CMTR1: variants seen among roughly 807,000 people sequenced by gnomAD.
CMTR1 encodes cap methyltransferase 1, also known as cap-specific mRNA (nucleoside-2'-O-)-methyltransferase 1.
Under a neutral mutation model 107.0 loss-of-function variants are expected in CMTR1, and 39 were observed. That is an observed-to-expected ratio of 0.36 (90% CI 0.28 to 0.48). The LOEUF is 0.48. Ranked by LOEUF, CMTR1 falls within the 20% of genes least tolerant of loss-of-function variation. The pLI is 0.99. For synonymous variants in CMTR1, 366 were observed against 379.5 expected, an observed-to-expected ratio of 0.96 and a Z score of 0.41; for missense variants, 672 against 1,064.9, an observed-to-expected ratio of 0.63 and a Z score of 5.14.
Position 37,473,599 on chromosome 6 carries a change from G to T in CMTR1, c.1819G>T (p.Gly607Trp). ...GSEQKFLIGL[G>W]KSQIYTWDGR... is the part of the protein sequence containing the mutation. ...TGAGCAGAAGTTCCTCATCGGCCTG[G>T]GGGTAAGTCTGCAGCTGGCTTCCTG... Residue 607 changes from glycine (G) to tryptophan (W), a missense_variant and splice_region_variant, in exon 17 of 24, where the codon GGG becomes TGG. Coordinates refer to ENST00000373451, the MANE Select transcript of CMTR1 (RefSeq NM_015050.3). 1 of 1,613,438 alleles carries T rather than the reference G, an allele frequency of 6.2e-7. No homozygotes were observed. Among genetic ancestry groups the T allele is most frequent in the African/African-American group, 1.3e-5 (1 of 75,036 alleles).
chr6:37,449,884 A>C (rs914853579), intron 4 of CMTR1, among the ~76,000 whole-genome samples: 3 of 152,144 alleles, frequency 2.0e-5, no homozygotes, highest in Admixed American at 6.6e-5. Context: ...CTGCCTGTTT[A>C]CTTCTGTGTC....
At chr6:37,461,697 T>C (rs762757585) in intron 11 of CMTR1, 52 bp downstream of exon 11, 8 of 1,233,036 alleles carry the variant, frequency 6.5e-6, no homozygotes, top group Admixed American at 2.2e-5. Flanking sequence ...AGAGGCCCTA[T>C]TGGACAAGAA....
chr6:37,444,213 G>C lies in CMTR1; in HGVS notation c.285+63G>C, dbSNP rs575479650. 1.6e-5 allele frequency: 25 copies of C among 1,561,654 alleles called. No individual in the cohort carries two copies. The South Asian group carries it at 2.9e-4, about 18-fold the overall frequency. ...CAGCAGAGTGAAAGAAGGGCAATTTGTATTTGTATGAAAAGAAGAAAAGTT... is the reference window on the plus strand; with the variant it reads ...CAGCAGAGTGAAAGAAGGGCAATTTCTATTTGTATGAAAAGAAGAAAAGTT... On this transcript the variant is annotated intron_variant, in intron 3 of 23. Transcript: ENST00000373451.
In CMTR1 at chr6:37,472,590, C is replaced by A; in HGVS notation, c.1689+103C>A. On this transcript the variant is annotated intron_variant, in intron 16 of 23. Coordinates refer to ENST00000373451, the MANE Select transcript of CMTR1 (RefSeq NM_015050.3). The surrounding 1 kb of genome is among the most constrained non-coding windows in gnomAD (Gnocchi z 4.1). ...ATGCATGGTCTCCAGAGGGCTTGTG[C>A]AGATGCCCACCATGGGCTCTAAGGG... is the stretch of plus-strand genomic sequence containing the variant. 8.6e-7 allele frequency: 1 copy of A among 1,166,854 alleles called. No homozygotes were observed. The highest frequency in any genetic ancestry group is 1.3e-6 in the Non-Finnish European group (1 of 780,420). 72.3% of individuals were successfully genotyped at this position (1,166,854 alleles called of 1,614,324 possible).
intron 12 of CMTR1, among the ~76,000 whole-genome samples, chr6:37,462,567 A>C (rs930715957): frequency 6.6e-6 from 1 of 152,240 alleles, no homozygotes; most frequent in Non-Finnish European, 1.5e-5. Flanking sequence ...ATAATTTAAC[A>C]GACTCCCCAG....
At position 37,480,625 on chromosome 6, in the gene CMTR1, TG is replaced by T. The variant is rs1207188555; in HGVS notation, c.*481del. ...CTGTCATGAGCTGGCCAGGAGAACC[TG>T]CTATAAAAAAATCAAGGTTTTGTTT... On this transcript the variant is annotated 3_prime_UTR_variant, in exon 24 of 24. Transcript: ENST00000373451. 9.7e-7 allele frequency: 1 copy of T among 1,026,556 alleles called. No individual in the cohort carries two copies. The highest frequency in any genetic ancestry group is 1.7e-5 in the African/African-American group (1 of 57,572). The allele number at this position is 1,026,556 out of a possible 1,614,324, so 63.6% of individuals were successfully genotyped here.
chr6:37,471,527 G>A (rs976397244), intron 14 of CMTR1, among the ~76,000 whole-genome samples: 1 of 152,210 alleles, frequency 6.6e-6, no homozygotes, highest in Non-Finnish European at 1.5e-5. Context: ...AGCAGAAGAG[G>A]AGCTAGAACA....
chr6:37,451,436 GGTGGAAGGACAAGCTTTT>G (rs1237463353), intron 5 of CMTR1, among the ~76,000 whole-genome samples: 20 of 152,162 alleles, frequency 1.3e-4, no homozygotes, highest in Non-Finnish European at 2.2e-4. Flanking sequence ...GAGGCTTCCT[GGTGGAAGGACAAGCTTTT>G]GTCATTTGAG....
chr6:37,433,265 C>G lies in CMTR1; in HGVS notation c.-119C>G, dbSNP rs1771425680. The G allele has an allele frequency of 6.5e-6, 1 of 153,736 alleles. No homozygotes were observed. The highest frequency in any genetic ancestry group is 2.0e-4 in the South Asian group (1 of 4,904). 9.5% of individuals were successfully genotyped at this position (153,736 alleles called of 1,614,324 possible). On this transcript the variant is annotated 5_prime_UTR_variant, in exon 1 of 24. Transcript: ENST00000373451. ...CGACGGTGCGGCTGGCGGACCCGGG[C>G]TGGCTTGTGGGGAAACGAAACTGAG...
At position 37,444,026 on chromosome 6, in the gene CMTR1, A is replaced by T. The variant is rs1162962294; in HGVS notation, c.161A>T (p.Asp54Val). 2 of 1,614,166 alleles carry T rather than the reference A, an allele frequency of 1.2e-6. No homozygotes were observed. The highest frequency in any genetic ancestry group is 1.7e-6 in the Non-Finnish European group (2 of 1,180,034). The change falls in exon 3 of 24, where the codon GAT becomes GTT. Residue 54 changes from aspartate (D) to valine (V), a missense_variant. Transcript: ENST00000373451. ...TCTACTACAAGCCTTAGTGGGTCTG[A>T]TAGTGAGACCGAGGGGAAACAACAC... is the stretch of plus-strand genomic sequence containing the variant. ...KASTTSLSGS[D>V]SETEGKQHSS...
Position 37,446,451 on chromosome 6 carries a change from T to TA in CMTR1, c.444+4dup, listed in dbSNP as rs745835475. On this transcript the variant is annotated splice_region_variant and intron_variant, in intron 4 of 23. Transcript: ENST00000373451. ...GTGGACTGGCGAGATGAGCCAGAGG[T>TA]AAGTGTTAAAGTGAGGAGGAGATGG... 2.5e-6 allele frequency: 4 copies of TA among 1,611,736 alleles called. No homozygotes were observed. The highest frequency in any genetic ancestry group is 3.4e-6 in the Non-Finnish European group (4 of 1,179,714).
chr6:37,465,439 A>G (rs370202450), intron 13 of CMTR1, among the ~76,000 whole-genome samples: 5 of 152,092 alleles, frequency 3.3e-5, no homozygotes, highest in Non-Finnish European at 5.9e-5. Context: ...TGTGGTTTCA[A>G]TATGTATTTC....
intron 2 of CMTR1, among the ~76,000 whole-genome samples, chr6:37,441,492 G>A (rs1028363363): frequency 4.6e-5 from 7 of 151,238 alleles, no homozygotes; most frequent in African/African-American, 9.7e-5. Context: ...TCGGCTCACC[G>A]CAATCTCCAC....
Position 37,480,997 on chromosome 6 carries a change from T to C in CMTR1, c.*852T>C, listed in dbSNP as rs951636011. The stretch of plus-strand genomic sequence containing the variant: ...CAAAGGGTACCTCCAGGGGTTTGGG[T>C]AGCGCTGCCCTCTGGCAGTCATGCA... On this transcript the variant is annotated 3_prime_UTR_variant, in exon 24 of 24. Coordinates refer to ENST00000373451, the MANE Select transcript of CMTR1 (RefSeq NM_015050.3). The C allele has an allele frequency of 8.5e-6, 11 of 1,300,092 alleles. No homozygotes were observed. In the Admixed American group the frequency reaches 9.2e-5, roughly 11 times the overall value. The allele number at this position is 1,300,092 out of a possible 1,614,324, so 80.5% of individuals were successfully genotyped here.
intron 8 of CMTR1, among the ~76,000 whole-genome samples, chr6:37,455,731 A>G (rs888739642): frequency 7.9e-5 from 12 of 152,310 alleles, no homozygotes; most frequent in Admixed American, 7.2e-4. Context: ...AGAGAAAAAC[A>G]TGGAAAAGGA....
At chr6:37,455,209 C>T (rs1055325437) in intron 8 of CMTR1, among the ~76,000 whole-genome samples, 1 of 152,162 alleles carries the variant, frequency 6.6e-6, no homozygotes, top group African/African-American at 2.4e-5. Flanking sequence ...CTCAGCCTCC[C>T]AAGTACTGGG....
At position 37,458,903 on chromosome 6, in the gene CMTR1, T is replaced by C; in HGVS notation, c.976+93T>C. On this transcript the variant is annotated intron_variant, in intron 9 of 23. Transcript: ENST00000373451. The surrounding 1 kb of genome is among the most constrained non-coding windows in gnomAD (Gnocchi z 4.7). ...AGCAGTTGTTATCCACATGCCATAT[T>C]TTCTTTCCTAGGTCTCTTACCCTGG... 8.4e-7 allele frequency: 1 copy of C among 1,189,676 alleles called. No individual in the cohort carries two copies. The highest frequency in any genetic ancestry group is 1.4e-5 in the South Asian group (1 of 72,866). 73.7% of individuals were successfully genotyped at this position (1,189,676 alleles called of 1,614,324 possible).
upstream of CMTR1, among the ~76,000 whole-genome samples, chr6:37,432,814 C>T (rs1023835386): frequency 6.6e-6 from 1 of 152,196 alleles, no homozygotes; most frequent in Admixed American, 6.5e-5. Context: ...TCTGTCCTCC[C>T]GTCCTTCGTT....
intron 2 of CMTR1, among the ~76,000 whole-genome samples, chr6:37,439,469 A>G (rs1771617365): frequency 6.6e-6 from 1 of 152,198 alleles, no homozygotes; most frequent in African/African-American, 2.4e-5. Flanking sequence ...GTATCACATT[A>G]AAGGCGCCTT....
Sources: gnomAD v4.1 joint callset for allele counts (sites outside exome capture counted in the v4.1 genomes callset) on GRCh38, gnomAD v4.1.1 for gene constraint, Gnocchi (gnomAD v3.1) non-coding constraint, MANE v1.5 for transcripts, NCBI Gene and HGNC (gene_info 2026-07-23, HGNC 2026-07-21) for gene names.